PTCHD4: variants seen among roughly 807,000 people sequenced by gnomAD.
PTCHD4 encodes patched domain-containing protein 4.
In PTCHD4, 33 loss-of-function variants were observed where a neutral mutation model predicts 58.1. The observed-to-expected ratio is 0.57, with a 90% CI of 0.43 to 0.76. PTCHD4 has a LOEUF of 0.76. Among genes scored for constraint, PTCHD4 ranks in the 30% least tolerant of loss-of-function variants. The pLI, the probability that PTCHD4 is intolerant of heterozygous loss-of-function variation, is 0.00. For synonymous variants in PTCHD4, 478 were observed against 409.6 expected (o/e 1.17, Z -2.02); for missense variants, 1,058 against 1,027.1 (o/e 1.03, Z -0.41).
chr6:47,978,117 A>G (rs1767762544), intron 4 of PTCHD4, among the ~76,000 whole-genome samples: 1 of 151,794 alleles, frequency 6.6e-6, no homozygotes, highest in South Asian at 2.1e-4. Flanking sequence ...CCCCCTTCTC[A>G]TTATTTTTCT....
At chr6:48,006,719 C>A (rs565512897) in intron 4 of PTCHD4, among the ~76,000 whole-genome samples, 8 of 152,238 alleles carry the variant, frequency 5.3e-5, no homozygotes, top group Non-Finnish European at 1.0e-4. Context: ...AGATGATATG[C>A]AAAATCCAGG....
intron 4 of PTCHD4, among the ~76,000 whole-genome samples, chr6:47,957,143 T>C (rs1338043475): frequency 6.6e-6 from 1 of 150,600 alleles, no homozygotes; most frequent in Non-Finnish European, 1.5e-5. Flanking sequence ...CCAGCCTGGG[T>C]GACAGAGTGA....
chr6:47,965,241 T>G (rs1767243146), intron 4 of PTCHD4, among the ~76,000 whole-genome samples: 1 of 152,214 alleles, frequency 6.6e-6, no homozygotes, highest in Non-Finnish European at 1.5e-5. Context: ...TAAATTAGGT[T>G]TATTTTTAAC....
chr6:48,002,257 G>C (rs144901119), intron 4 of PTCHD4, among the ~76,000 whole-genome samples: 18,483 of 152,180 alleles, frequency 0.12, 1,457 homozygotes, highest in South Asian at 0.2. Flanking sequence ...CATCCCATTA[G>C]TGGGTATATA....
chr6:47,957,237 G>A (rs892311603), intron 4 of PTCHD4, among the ~76,000 whole-genome samples: 1 of 147,796 alleles, frequency 6.8e-6, no homozygotes, highest in Admixed American at 6.8e-5. Context: ...CAAAGAGTAT[G>A]ATGGTTAAGG....
chr6:47,966,657 A>T (rs1014298199), intron 4 of PTCHD4, among the ~76,000 whole-genome samples: 1 of 152,200 alleles, frequency 6.6e-6, no homozygotes, highest in Non-Finnish European at 1.5e-5. Flanking sequence ...TAATTTATGT[A>T]ATATTCTAAA....
At chr6:47,996,809 C>T (rs1414477331) in intron 4 of PTCHD4, among the ~76,000 whole-genome samples, 1 of 152,130 alleles carries the variant, frequency 6.6e-6, no homozygotes, top group Non-Finnish European at 1.5e-5. Flanking sequence ...CCTTCATCAC[C>T]CAATCACTTT....
intron 4 of PTCHD4, among the ~76,000 whole-genome samples, chr6:47,918,650 T>A (rs2113880948): frequency 6.6e-6 from 1 of 152,324 alleles, no homozygotes; most frequent in South Asian, 2.1e-4. Context: ...AATGGAATTT[T>A]TTCCCTTATA....
At chr6:48,096,484 C>T (rs894270418) in intron 1 of PTCHD4, among the ~76,000 whole-genome samples, 10 of 151,770 alleles carry the variant, frequency 6.6e-5, no homozygotes, top group African/African-American at 1.9e-4. Flanking sequence ...TGGTGGCGGG[C>T]GCCTGTAATC....
chr6:47,963,160 A>G (rs963603005), intron 4 of PTCHD4, among the ~76,000 whole-genome samples: 1 of 151,862 alleles, frequency 6.6e-6, no homozygotes, highest in Admixed American at 6.6e-5. Context: ...AATAAATAAA[A>G]AAGAAAAAAA....
At chr6:48,078,408 G>C (rs1173242277) in intron 1 of PTCHD4, among the ~76,000 whole-genome samples, 1 of 152,184 alleles carries the variant, frequency 6.6e-6, no homozygotes, top group African/African-American at 2.4e-5. Flanking sequence ...GGAATAGCTG[G>C]ACTGAAGATT....
At chr6:47,888,401 A>G (rs928306132) in intron 4 of PTCHD4, among the ~76,000 whole-genome samples, 1 of 152,166 alleles carries the variant, frequency 6.6e-6, no homozygotes, top group African/African-American at 2.4e-5. Context: ...ATTGCAAAGA[A>G]AAGAGGAAAT....
At chr6:48,031,977 T>C (rs1763461461) in intron 3 of PTCHD4, among the ~76,000 whole-genome samples, 1 of 152,120 alleles carries the variant, frequency 6.6e-6, no homozygotes. Flanking sequence ...CTGTTCAACA[T>C]TTGAGATGAA....
intron 3 of PTCHD4, among the ~76,000 whole-genome samples, chr6:48,044,531 A>G (rs1763964464): frequency 6.6e-6 from 1 of 151,840 alleles, no homozygotes; most frequent in African/African-American, 2.4e-5. Flanking sequence ...TGATTGAGTG[A>G]CACTGTGTTT....
At chr6:47,962,949 C>T (rs1767152777) in intron 4 of PTCHD4, among the ~76,000 whole-genome samples, 1 of 151,826 alleles carries the variant, frequency 6.6e-6, no homozygotes, top group Non-Finnish European at 1.5e-5. Flanking sequence ...TGCCTGAGTT[C>T]AGGAGTTCAA....
chr6:47,963,956 T>C (rs1433575458), intron 4 of PTCHD4, among the ~76,000 whole-genome samples: 1 of 152,176 alleles, frequency 6.6e-6, no homozygotes, highest in African/African-American at 2.4e-5. Context: ...ATAACTGTAA[T>C]AGGATTAAAC....
intron 4 of PTCHD4, among the ~76,000 whole-genome samples, chr6:47,907,700 C>T (rs1764939553): frequency 6.6e-6 from 1 of 152,122 alleles, no homozygotes; most frequent in Non-Finnish European, 1.5e-5. Context: ...AATAGTCGCC[C>T]CATTCCAGCA....
intron 1 of PTCHD4, among the ~76,000 whole-genome samples, chr6:48,080,157 A>C (rs1028573368): frequency 6.6e-6 from 1 of 151,732 alleles, no homozygotes; most frequent in African/African-American, 2.4e-5. Context: ...TAGATAAAAA[A>C]CTCAGACTAT....
At chr6:48,029,947 T>C (rs1763376791) in intron 3 of PTCHD4, among the ~76,000 whole-genome samples, 1 of 152,078 alleles carries the variant, frequency 6.6e-6, no homozygotes, top group Non-Finnish European at 1.5e-5. Flanking sequence ...GGAATGTCAC[T>C]TTCTGGTAGG....
Sources: gnomAD v4.1 joint callset for allele counts (sites outside exome capture counted in the v4.1 genomes callset) on GRCh38, gnomAD v4.1.1 for gene constraint, MANE v1.5 for transcripts, NCBI Gene and HGNC (gene_info 2026-07-23, HGNC 2026-07-21) for gene names.